Variants in BHLHE23 observed in about 807,000 individuals in gnomAD.
BHLHE23 encodes the protein class E basic helix-loop-helix protein 23.
For synonymous variants in BHLHE23, 204 were observed against 184.4 expected (o/e 1.11, Z -0.86); for missense variants, 401 against 380.0 (o/e 1.06, Z -0.46).
Position 63,006,704 on chromosome 20 carries a change from G to A in BHLHE23, c.71C>T (p.Ser24Leu). 1.5e-6 allele frequency: 2 copies of A among 1,364,360 alleles called. No individual in the cohort carries two copies. The highest frequency in any genetic ancestry group is 1.9e-6 in the Non-Finnish European group (2 of 1,059,366). 84.5% of individuals were successfully genotyped at this position (1,364,360 alleles called of 1,614,324 possible). ...GAAMAELKSL[S>L]GDAYLALSHG... is the part of the protein sequence containing the mutation. ...GCTTAGTGCCAGGTACGCGTCCCCCGACAGCGACTTGAGCTCGGCCATGGC... is the reference window on the plus strand; with the variant it reads ...GCTTAGTGCCAGGTACGCGTCCCCCAACAGCGACTTGAGCTCGGCCATGGC... The change falls in exon 1 of 1, where the codon TCG (serine) becomes TTG (leucine). Residue 24 changes from serine (S) to leucine (L), a missense_variant. Coordinates refer to ENST00000612929, the MANE Select transcript of BHLHE23 (RefSeq NM_080606.4).
At position 63,006,611 on chromosome 20, in the gene BHLHE23, C is replaced by T. The variant is rs1227817060; in HGVS notation, c.164G>A (p.Gly55Asp). 2 of 1,342,298 alleles carry T rather than the reference C, an allele frequency of 1.5e-6. No homozygotes were observed. Among genetic ancestry groups the T allele is most frequent in the Non-Finnish European group, 1.9e-6 (2 of 1,047,056 alleles). The allele number at this position is 1,342,298 out of a possible 1,614,324, so 83.1% of individuals were successfully genotyped here. A position where few individuals can be genotyped will look rare whatever the true frequency, so the allele number is the denominator to read the frequency against. Residue 55 changes from glycine to aspartate, a missense_variant, in exon 1 of 1, where the codon GGC (glycine) becomes GAC (aspartate). By Grantham distance (94) the Gly-to-Asp change is moderately conservative. Transcript: ENST00000612929. ...GAAREPEAAR[G>D]YGTPGPGGDL... The stretch of plus-strand genomic sequence containing the variant: ...GCCGCCCGGGCCCGGAGTGCCGTAG[C>T]CGCGGGCCGCTTCGGGTTCTCGCGC...
chr20:63,006,781 G>T lies in BHLHE23; in HGVS notation c.-7C>A. 1.6e-6 allele frequency: 2 copies of T among 1,261,960 alleles called. No individual in the cohort carries two copies. Among genetic ancestry groups the T allele is most frequent in the South Asian group, 5.7e-5 (2 of 34,884 alleles). The allele number at this position is 1,261,960 out of a possible 1,614,324, so 78.2% of individuals were successfully genotyped here. On this transcript the variant is annotated 5_prime_UTR_variant, in exon 1 of 1. Coordinates refer to ENST00000612929, the MANE Select transcript of BHLHE23 (RefSeq NM_080606.4). ...CGGGTGGGCGGATGCTCATGTGGGT[G>T]AGCAGCCCCCGAGGCCGGCCCGAGC...
chr20:63,006,143 G>C lies in BHLHE23; in HGVS notation c.632C>G (p.Ser211Cys), dbSNP rs1256185454. Residue 211 changes from serine to cysteine, a missense_variant, in exon 1 of 1, where the codon TCC (serine) becomes TGC (cysteine). Coordinates refer to ENST00000612929, the MANE Select transcript of BHLHE23 (RefSeq NM_080606.4). The stretch of plus-strand genomic sequence containing the variant: ...GCAGGGCCCCAGGGCGGCGCCTGCG[G>C]AGAAGGGGCACACAGTGGCCTGGCC... ...PFGQATVCPF[S>C]AGAALGPCPD... is the part of the protein sequence containing the mutation. The C allele has an allele frequency of 1.3e-6, 2 of 1,550,630 alleles. No individual in the cohort carries two copies. The highest frequency in any genetic ancestry group is 3.9e-5 in the Admixed American group (2 of 51,282).
Position 63,006,457 on chromosome 20 carries a change from G to C in BHLHE23, c.318C>G (p.Asp106Glu), listed in dbSNP as rs1279666290. 7.0e-7 allele frequency: 1 copy of C among 1,433,682 alleles called. No individual in the cohort carries two copies. The highest frequency in any genetic ancestry group is 1.5e-5 in the African/African-American group (1 of 66,732). 88.8% of individuals were successfully genotyped at this position (1,433,682 alleles called of 1,614,324 possible). ...RRRRGPGSAA[D>E]GRRRPREQRS... is the part of the protein sequence containing the mutation. ...GCTGCTCTCGCGGCCGCCGCCGCCCGTCCGCCGCGCTCCCTGGCCCGCGCC... is the reference window on the plus strand; with the variant it reads ...GCTGCTCTCGCGGCCGCCGCCGCCCCTCCGCCGCGCTCCCTGGCCCGCGCC... The change falls in exon 1 of 1, where the codon GAC (aspartate) becomes GAG (glutamate). Residue 106 changes from aspartate (D) to glutamate (E), a missense_variant. Physicochemically the swap from Asp to Glu is conservative, Grantham distance 45. Coordinates refer to ENST00000612929, the MANE Select transcript of BHLHE23 (RefSeq NM_080606.4).
In BHLHE23 at chr20:63,006,249, C is replaced by T; in HGVS notation, c.526G>A (p.Glu176Lys). 1 of 1,610,442 alleles carries T rather than the reference C, an allele frequency of 6.2e-7. No individual in the cohort carries two copies. Among genetic ancestry groups the T allele is most frequent in the South Asian group, 1.1e-5 (1 of 90,918 alleles). Residue 176 changes from glutamate (E) to lysine (K), a missense_variant, in exon 1 of 1, where the codon GAG (glutamate) becomes AAG (lysine). Physicochemically the swap from Glu to Lys is moderately conservative, Grantham distance 56. Transcript: ENST00000612929. ...YILMQAQALD[E>K]MRRLVAFLNQ... The stretch of plus-strand genomic sequence containing the variant: ...AGGAAGGCCACCAGGCGCCGCATCT[C>T]GTCCAGGGCCTGCGCCTGCATGAGG...
chr20:63,006,757 G>T lies in BHLHE23; in HGVS notation c.18C>A (p.Pro6=). The change falls in exon 1 of 1, where the codon CCC becomes CCA. Residue 6 remains proline, a synonymous_variant. Coordinates refer to ENST00000612929, the MANE Select transcript of BHLHE23 (RefSeq NM_080606.4). MSIRP[P]GEPPSPGGAA... Reference sequence around the variant, plus strand: ...CGCCGCCTGGGCTCGGGGGCTCGCCGGGTGGGCGGATGCTCATGTGGGTGA... The same window carrying T: ...CGCCGCCTGGGCTCGGGGGCTCGCCTGGTGGGCGGATGCTCATGTGGGTGA... 2 of 1,280,194 alleles carry T rather than the reference G, an allele frequency of 1.6e-6. No individual in the cohort carries two copies. Among genetic ancestry groups the T allele is most frequent in the Non-Finnish European group, 2.0e-6 (2 of 1,015,884 alleles). The allele number at this position is 1,280,194 out of a possible 1,614,324, so 79.3% of individuals were successfully genotyped here.
Position 63,006,710 on chromosome 20 carries a change from G to A in BHLHE23, c.65C>T (p.Ser22Leu), listed in dbSNP as rs1245200139. 1 of 1,358,888 alleles carries A rather than the reference G, an allele frequency of 7.4e-7. No individual in the cohort carries two copies. The highest frequency in any genetic ancestry group is 9.5e-7 in the Non-Finnish European group (1 of 1,056,730). The allele number at this position is 1,358,888 out of a possible 1,614,324, so 84.2% of individuals were successfully genotyped here. A position where few individuals can be genotyped will look rare whatever the true frequency, so the allele number is the denominator to read the frequency against. ...TGCCAGGTACGCGTCCCCCGACAGC[G>A]ACTTGAGCTCGGCCATGGCCGCGCC... ...PGGAAMAELKSLSGDAYLALS... is the reference protein window; with the variant it reads ...PGGAAMAELKLLSGDAYLALS... The change falls in exon 1 of 1, where the codon TCG becomes TTG. Residue 22 changes from serine to leucine, a missense_variant. By Grantham distance (145) the Ser-to-Leu change is moderately radical. Transcript: ENST00000612929.
At position 63,006,067 on chromosome 20, in the gene BHLHE23, G is replaced by T; in HGVS notation, c.708C>A (p.His236Gln). 1 of 1,537,140 alleles carries T rather than the reference G, an allele frequency of 6.5e-7. No homozygotes were observed. The highest frequency in any genetic ancestry group is 8.7e-7 in the Non-Finnish European group (1 of 1,144,314). ...FSGTPSALCK[H>Q]CHEKP ...CGCGCGGTCACGGCTTCTCGTGACA[G>T]TGTTTGCAAAGCGCGGAGGGCGTCC... Residue 236 changes from histidine to glutamine, a missense_variant, in exon 1 of 1, where the codon CAC (histidine) becomes CAA (glutamine). Physicochemically the swap from His to Gln is conservative, Grantham distance 24. Transcript: ENST00000612929.
chr20:63,006,729 C>G lies in BHLHE23; in HGVS notation c.46G>C (p.Ala16Pro). The change falls in exon 1 of 1, where the codon GCC becomes CCC. Residue 16 changes from alanine (A) to proline (P), a missense_variant. Physicochemically the swap from Ala to Pro is conservative, Grantham distance 27. Transcript: ENST00000612929. ...PGEPPSPGGA[A>P]MAELKSLSGD... ...GACAGCGACTTGAGCTCGGCCATGG[C>G]CGCGCCGCCTGGGCTCGGGGGCTCG... 1 of 1,320,624 alleles carries G rather than the reference C, an allele frequency of 7.6e-7. No homozygotes were observed. The highest frequency in any genetic ancestry group is 9.6e-7 in the Non-Finnish European group (1 of 1,037,442). 81.8% of individuals were successfully genotyped at this position (1,320,624 alleles called of 1,614,324 possible). A position where few individuals can be genotyped will look rare whatever the true frequency, so the allele number is the denominator to read the frequency against.
Position 63,006,294 on chromosome 20 carries a change from G to C in BHLHE23, c.481C>G (p.Leu161Val). The part of the protein sequence containing the change: ...VRKLSKIATL[L>V]LAKNYILMQA... ...ATGAGGATATAGTTCTTGGCGAGCA[G>C]CAGCGTGGCGATCTTGGAGAGCTTG... The change falls in exon 1 of 1, where the codon CTG becomes GTG. Residue 161 changes from leucine (L) to valine (V), a missense_variant. Coordinates refer to ENST00000612929, the MANE Select transcript of BHLHE23 (RefSeq NM_080606.4). The C allele has an allele frequency of 6.2e-7, 1 of 1,611,632 alleles. No individual in the cohort carries two copies. The highest frequency in any genetic ancestry group is 8.5e-7 in the Non-Finnish European group (1 of 1,179,744).
Position 63,006,203 on chromosome 20 carries a change from G to GCCAGGC in BHLHE23, c.566_571dup (p.Gly189_Leu190dup). On this transcript the variant is annotated inframe_insertion, in exon 1 of 1. Transcript: ENST00000612929. ...CAAGGGCGCGGCGTTTACGGGCGCG[G>GCCAGGC]CCAGGCCCTGGCCCTGGTTGAGGAA... 1 of 1,592,722 alleles carries GCCAGGC rather than the reference G, an allele frequency of 6.3e-7. No homozygotes were observed. Among genetic ancestry groups the GCCAGGC allele is most frequent in the South Asian group, 1.1e-5 (1 of 88,902 alleles).
In BHLHE23 at chr20:63,006,184, C is replaced by A. The variant is rs758723176; in HGVS notation, c.591G>T (p.Ala197=). 38 of 1,577,174 alleles carry A rather than the reference C, an allele frequency of 2.4e-5. No homozygotes were observed. Among genetic ancestry groups the A allele is most frequent in the Non-Finnish European group, 2.9e-5 (34 of 1,164,188 alleles). The change falls in exon 1 of 1, where the codon GCG becomes GCT. Residue 197 remains alanine (A), a synonymous_variant. Transcript: ENST00000612929. ...TGGCCTGGCCGAAGGGCGTCAAGGGCGCGGCGTTTACGGGCGCGGCCAGGC... is the reference window on the plus strand; with the variant it reads ...TGGCCTGGCCGAAGGGCGTCAAGGGAGCGGCGTTTACGGGCGCGGCCAGGC... ...GQGLAAPVNA[A]PLTPFGQATV...
rs766227237 is a variant in BHLHE23 at position 63,006,157 on chromosome 20, A to C, written c.618T>G (p.Thr206=). The stretch of plus-strand genomic sequence containing the variant: ...CGGCGCCTGCGGAGAAGGGGCACAC[A>C]GTGGCCTGGCCGAAGGGCGTCAAGG... ...AAPLTPFGQA[T]VCPFSAGAAL... is the part of the protein sequence containing the mutation. The change falls in exon 1 of 1, where the codon ACT becomes ACG. Residue 206 remains threonine (T), a synonymous_variant. Coordinates refer to ENST00000612929, the MANE Select transcript of BHLHE23 (RefSeq NM_080606.4). 1 of 1,555,140 alleles carries C rather than the reference A, an allele frequency of 6.4e-7. No individual in the cohort carries two copies. Among genetic ancestry groups the C allele is most frequent in the South Asian group, 1.2e-5 (1 of 84,926 alleles).
rs1055375306 is a variant in BHLHE23, at chr20:63,006,620, G to A, written c.155C>T (p.Ala52Val). ...LAYGAAREPE[A>V]ARGYGTPGPG... The stretch of plus-strand genomic sequence containing the variant: ...GCCCGGAGTGCCGTAGCCGCGGGCC[G>A]CTTCGGGTTCTCGCGCCGCCCCGTA... Residue 52 changes from alanine to valine, a missense_variant, in exon 1 of 1, where the codon GCG (alanine) becomes GTG (valine). Ala to Val is a moderately conservative substitution (Grantham distance 64). Transcript: ENST00000612929. The A allele has an allele frequency of 4.2e-5, 57 of 1,345,830 alleles. No homozygotes were observed. Among genetic ancestry groups the A allele is most frequent in the Non-Finnish European group, 4.8e-5 (50 of 1,048,382 alleles). 83.4% of individuals were successfully genotyped at this position (1,345,830 alleles called of 1,614,324 possible). A position where few individuals can be genotyped will look rare whatever the true frequency, so the allele number is the denominator to read the frequency against.
rs985330019 is a variant in BHLHE23 at position 63,006,005 on chromosome 20, G to A, written c.*44C>T. ...TGTCCGGGCAGAGAGACAGTCACAG[G>A]GGCGATCGGAGGACGCGTGCGGGAG... On this transcript the variant is annotated 3_prime_UTR_variant, in exon 1 of 1. Transcript: ENST00000612929. The A allele has an allele frequency of 3.4e-6, 5 of 1,476,476 alleles. No homozygotes were observed. The African/African-American group carries it at 4.3e-5, about 13-fold the overall frequency. 91.5% of individuals were successfully genotyped at this position (1,476,476 alleles called of 1,614,324 possible). A position where few individuals can be genotyped will look rare whatever the true frequency, so the allele number is the denominator to read the frequency against.
Position 63,006,118 on chromosome 20 carries a change from G to C in BHLHE23, c.657C>G (p.Cys219Trp). 6.5e-7 allele frequency: 1 copy of C among 1,548,832 alleles called. No homozygotes were observed. Among genetic ancestry groups the C allele is most frequent in the Non-Finnish European group, 8.7e-7 (1 of 1,148,794 alleles). Residue 219 changes from cysteine (C) to tryptophan (W), a missense_variant, in exon 1 of 1, where the codon TGC (cysteine) becomes TGG (tryptophan). Coordinates refer to ENST00000612929, the MANE Select transcript of BHLHE23 (RefSeq NM_080606.4). ...CGGAGAAGGCGGCGCACTTGTCAGG[G>C]CAGGGCCCCAGGGCGGCGCCTGCGG... ...PFSAGAALGPCPDKCAAFSGT... is the reference protein window; with the variant it reads ...PFSAGAALGPWPDKCAAFSGT...
rs2065792112 is a variant in BHLHE23 at position 63,006,480 on chromosome 20, G to A, written c.295C>T (p.Arg99Cys). The change falls in exon 1 of 1, where the codon CGC becomes TGC. Residue 99 changes from arginine (R) to cysteine (C), a missense_variant. Transcript: ENST00000612929. ...DDAFEQRRRRRGPGSAADGRR... is the reference protein window; with the variant it reads ...DDAFEQRRRRCGPGSAADGRR... The stretch of plus-strand genomic sequence containing the variant: ...CCGTCCGCCGCGCTCCCTGGCCCGC[G>A]CCGCCGCCGCCGCTGCTCGAAGGCG... 1.5e-6 allele frequency: 2 copies of A among 1,320,660 alleles called. No homozygotes were observed. Among genetic ancestry groups the A allele is most frequent in the South Asian group, 2.2e-5 (1 of 45,772 alleles). The allele number at this position is 1,320,660 out of a possible 1,614,324, so 81.8% of individuals were successfully genotyped here.
rs116829154 is a variant in BHLHE23, at chr20:63,006,352, G to A, written c.423C>T (p.Ala141=). The part of the protein sequence containing the change: ...DLNDALDGLR[A]VIPYAHSPSV... ...ACGGGCTGTGCGCGTAGGGGATGAC[G>A]GCTCGCAGCCCGTCCAGCGCGTCGT... Residue 141 remains alanine, a synonymous_variant, in exon 1 of 1, where the codon GCC becomes GCT. Coordinates refer to ENST00000612929, the MANE Select transcript of BHLHE23 (RefSeq NM_080606.4). 1,897 of 1,609,832 alleles carry A rather than the reference G, an allele frequency of 1.2e-3. 20 individuals carry two copies. In the African/African-American group the frequency reaches 0.022, roughly 19 times the overall value.
In BHLHE23 at chr20:63,006,798, G is replaced by A. The variant is rs961447717; in HGVS notation, c.-24C>T. 3 of 1,238,938 alleles carry A rather than the reference G, an allele frequency of 2.4e-6. No homozygotes were observed. Among genetic ancestry groups the A allele is most frequent in the Admixed American group, 4.3e-5 (1 of 23,474 alleles). 76.7% of individuals were successfully genotyped at this position (1,238,938 alleles called of 1,614,324 possible). A position where few individuals can be genotyped will look rare whatever the true frequency, so the allele number is the denominator to read the frequency against. On this transcript the variant is annotated 5_prime_UTR_variant, in exon 1 of 1. Transcript: ENST00000612929. ...ATGTGGGTGAGCAGCCCCCGAGGCC[G>A]GCCCGAGCCCGCCGCTGCCGCTGCC...
Sources: gnomAD v4.1 joint callset for allele counts on GRCh38, gnomAD v4.1.1 for gene constraint, MANE v1.5 for transcripts, NCBI Gene and HGNC (gene_info 2026-07-23, HGNC 2026-07-21) for gene names.